The following FN3KRP variants were observed in gnomAD, a reference collection of about 807,000 sequenced individuals.
FN3KRP encodes the protein ketosamine-3-kinase.
In FN3KRP, 33 loss-of-function variants were observed where a neutral mutation model predicts 29.8. The observed-to-expected ratio is 1.11, with a 90% CI of 0.84 to 1.48. FN3KRP has a LOEUF of 1.48. Ranked by LOEUF, FN3KRP falls within the 40% of genes most tolerant of loss-of-function variation. The pLI, the probability that FN3KRP is intolerant of heterozygous loss-of-function variation, is 0.00. For missense variants in FN3KRP, 430 were observed against 402.6 expected (o/e 1.07, Z -0.58); for synonymous variants, 157 against 155.2 (o/e 1.01, Z -0.09).
intron 1 of FN3KRP, among the ~76,000 whole-genome samples, chr17:82,718,260 C>T (rs1179463287): frequency 2.0e-5 from 3 of 151,940 alleles, no homozygotes; most frequent in South Asian, 2.1e-4. Flanking sequence ...GTGTGTGTAG[C>T]AGGAGGAAAG....
At chr17:82,719,136 C>A in intron 2 of FN3KRP, 79 bp downstream of exon 2, 1 of 1,303,748 alleles carries the variant, frequency 7.7e-7, no homozygotes. Context: ...TTATGTGTGT[C>A]TTCACACCAC....
At chr17:82,722,737 T>C (rs556085540) in intron 3 of FN3KRP, 67 bp from the exon 4 acceptor site, 2 of 1,510,206 alleles carry the variant, frequency 1.3e-6, no homozygotes, top group Admixed American at 1.7e-5. Context: ...TGAAGGTGAC[T>C]CAGTTTCGAG....
rs375375823 is a variant in FN3KRP, at chr17:82,725,634, C to T, written c.469-846C>T. 9.2e-5 allele frequency among the ~76,000 whole-genome samples: 14 copies of T among 152,096 alleles called. No individual in the cohort carries two copies. In the East Asian group the frequency reaches 2.3e-3, roughly 25 times the overall value. ...CCGGCTAATTTTTGTATTTTTAGTACAAGCATGAGCCACCACACCTGGCCC... is the reference window on the plus strand; with the variant it reads ...CCGGCTAATTTTTGTATTTTTAGTATAAGCATGAGCCACCACACCTGGCCC... On this transcript the variant is annotated intron_variant, in intron 4 of 5. Coordinates refer to ENST00000269373, the MANE Select transcript of FN3KRP (RefSeq NM_024619.4).
At chr17:82,717,374 C>T (rs982694907) in intron 1 of FN3KRP, among the ~76,000 whole-genome samples, 17 of 152,208 alleles carry the variant, frequency 1.1e-4, no homozygotes, top group Non-Finnish European at 2.4e-4. Flanking sequence ...GTGCTGCCCC[C>T]AGGCCAGCTG....
At chr17:82,723,583 G>A (rs2046814945) in intron 4 of FN3KRP, among the ~76,000 whole-genome samples, 1 of 152,026 alleles carries the variant, frequency 6.6e-6, no homozygotes, top group African/African-American at 2.4e-5. Context: ...GCATGTGTGT[G>A]CATATGTGTG....
chr17:82,717,447 C>A (rs2046765383), intron 1 of FN3KRP, among the ~76,000 whole-genome samples: 1 of 152,146 alleles, frequency 6.6e-6, no homozygotes, highest in Non-Finnish European at 1.5e-5. Context: ...GGGCCGGGCG[C>A]GGTGGCTCAC....
chr17:82,723,807 C>T lies in FN3KRP; in HGVS notation c.468+921C>T, dbSNP rs73361135. Among the ~76,000 whole-genome samples, 20 of 151,990 alleles carry T rather than the reference C, an allele frequency of 1.3e-4. 1 individual carries two copies. The South Asian group carries it at 3.5e-3, about 27-fold the overall frequency. On this transcript the variant is annotated intron_variant, in intron 4 of 5. Coordinates refer to ENST00000269373, the MANE Select transcript of FN3KRP (RefSeq NM_024619.4). Reference sequence around the variant, plus strand: ...CACCTGTGACCTGGATGTCCTTTCTCGGGGTCCTTCTCAATGGGGCTCCAT... The same window carrying T: ...CACCTGTGACCTGGATGTCCTTTCTTGGGGTCCTTCTCAATGGGGCTCCAT...
Position 82,716,832 on chromosome 17 carries a change from G to A in FN3KRP, c.77G>A (p.Ser26Asn), listed in dbSNP as rs550636711. 9.0e-6 allele frequency: 14 copies of A among 1,558,796 alleles called. No homozygotes were observed. The South Asian group carries it at 1.4e-4, about 16-fold the overall frequency. The change falls in exon 1 of 6, where the codon AGC (serine) becomes AAC (asparagine). Residue 26 changes from serine (S) to asparagine (N), a missense_variant. Ser to Asn is a conservative substitution (Grantham distance 46, BLOSUM62 1). Coordinates refer to ENST00000269373, the MANE Select transcript of FN3KRP (RefSeq NM_024619.4). ...GGCCACTCGGGGGGCGGGTGCATCAGCCAGGGCCGGAGCTACGACACGGAT... is the reference window on the plus strand; with the variant it reads ...GGCCACTCGGGGGGCGGGTGCATCAACCAGGGCCGGAGCTACGACACGGAT... ...ATGHSGGGCISQGRSYDTDQG... is the reference protein window; with the variant it reads ...ATGHSGGGCINQGRSYDTDQG...
chr17:82,721,445 T>C (rs2046797494), intron 3 of FN3KRP, among the ~76,000 whole-genome samples: 1 of 152,154 alleles, frequency 6.6e-6, no homozygotes, highest in Non-Finnish European at 1.5e-5. Flanking sequence ...GGTTTGCCAC[T>C]GAGAGCCATC....
intron 3 of FN3KRP, 110 bp from the exon 4 acceptor site, chr17:82,722,694 C>A: frequency 2.0e-6 from 2 of 976,238 alleles, no homozygotes; most frequent in Non-Finnish European, 3.2e-6. Flanking sequence ...CTGGCAGGGG[C>A]ATAAGCTGGT....
Position 82,716,729 on chromosome 17 carries a change from G to GGGCGGGTCCGCGGCCGC in FN3KRP, c.-20_-4dup. ...GTCTCTCGAGTCTCCGCCAGATCCG[G>GGGCGGGTCCGCGGCCGC]GGCGGGTCCGCGGCCGCGGCGGGAA... On this transcript the variant is annotated 5_prime_UTR_variant, in exon 1 of 6. Transcript: ENST00000269373. 8 of 1,476,410 alleles carry GGGCGGGTCCGCGGCCGC rather than the reference G, an allele frequency of 5.4e-6. No individual in the cohort carries two copies. Among genetic ancestry groups the GGGCGGGTCCGCGGCCGC allele is most frequent in the Non-Finnish European group, 6.2e-6 (7 of 1,120,876 alleles). The allele number at this position is 1,476,410 out of a possible 1,614,324, so 91.5% of individuals were successfully genotyped here.
intron 5 of FN3KRP, 73 bp downstream of exon 5, chr17:82,726,675 G>T: frequency 6.4e-7 from 1 of 1,551,540 alleles, no homozygotes; most frequent in Non-Finnish European, 8.7e-7. Flanking sequence ...AGGCACCAAG[G>T]CAGGTGAGGC....
chr17:82,718,360 G>C lies in FN3KRP; in HGVS notation c.142-546G>C, dbSNP rs189630878. 549 of 972,028 alleles carry C rather than the reference G, an allele frequency of 5.6e-4. 2 individuals carry two copies. Among genetic ancestry groups the C allele is most frequent in the Non-Finnish European group, 3.2e-4 (265 of 817,030 alleles). The allele number at this position is 972,028 out of a possible 1,614,324, so 60.2% of individuals were successfully genotyped here. ...AAGGGAGGAGTTGCTGTGGTCCCGG[G>C]GAGTTGGATGGAAACGGCATCTCAA... On this transcript the variant is annotated intron_variant, in intron 1 of 5. Coordinates refer to ENST00000269373, the MANE Select transcript of FN3KRP (RefSeq NM_024619.4).
In FN3KRP at chr17:82,727,104, A is replaced by G; in HGVS notation, c.863A>G (p.His288Arg). 1.2e-6 allele frequency: 2 copies of G among 1,614,110 alleles called. No individual in the cohort carries two copies. The highest frequency in any genetic ancestry group is 1.7e-6 in the Non-Finnish European group (2 of 1,180,006). Residue 288 changes from histidine to arginine, a missense_variant, in exon 6 of 6, where the codon CAC becomes CGC. Coordinates refer to ENST00000269373, the MANE Select transcript of FN3KRP (RefSeq NM_024619.4). The stretch of plus-strand genomic sequence containing the variant: ...TATCAGCTCTTTCACTACTTGAACC[A>G]CTGGAATCATTTTGGATCGGGGTAC... ...QLYQLFHYLN[H>R]WNHFGSGYRG...
chr17:82,725,174 C>G (rs1337291038), intron 4 of FN3KRP, among the ~76,000 whole-genome samples: 2 of 152,102 alleles, frequency 1.3e-5, no homozygotes, highest in African/African-American at 4.8e-5. Flanking sequence ...GTTGCCCAGG[C>G]TGGAGAGCAG....
chr17:82,726,486 G>T lies in FN3KRP; in HGVS notation c.475G>T (p.Asp159Tyr), dbSNP rs781532623. 3 of 1,613,758 alleles carry T rather than the reference G, an allele frequency of 1.9e-6. No individual in the cohort carries two copies. The South Asian group carries it at 3.3e-5, about 18-fold the overall frequency. Reference sequence around the variant, plus strand: ...TTTTGCTGTTACTGTGCAGGTGAATGACTGGCAGGAGGACTGGGTCGTGTT... The same window carrying T: ...TTTTGCTGTTACTGTGCAGGTGAATTACTGGCAGGAGGACTGGGTCGTGTT... ...TCCGYLPQVN[D>Y]WQEDWVVFYA... is the part of the protein sequence containing the mutation. Residue 159 changes from aspartate (D) to tyrosine (Y), a missense_variant, in exon 5 of 6, where the codon GAC becomes TAC. Transcript: ENST00000269373.
chr17:82,717,382 C>T (rs1231495901), intron 1 of FN3KRP, among the ~76,000 whole-genome samples: 1 of 152,232 alleles, frequency 6.6e-6, no homozygotes, highest in Admixed American at 6.5e-5. Context: ...CCCAGGCCAG[C>T]TGCTGCGCCT....
chr17:82,721,858 G>T (rs993843798), intron 3 of FN3KRP, among the ~76,000 whole-genome samples: 1 of 151,410 alleles, frequency 6.6e-6, no homozygotes, highest in Admixed American at 6.6e-5. Flanking sequence ...TTTTGAAATG[G>T]AGTTTTGCTC....
chr17:82,723,878 G>T (rs1439416561), intron 4 of FN3KRP, among the ~76,000 whole-genome samples: 1 of 152,094 alleles, frequency 6.6e-6, no homozygotes, highest in Non-Finnish European at 1.5e-5. Flanking sequence ...TGTCTGGACA[G>T]ATGTCAGAAG....
Sources: allele counts gnomAD v4.1 joint callset (sites outside exome capture counted in the v4.1 genomes callset), GRCh38; gene constraint gnomAD v4.1.1; transcripts MANE v1.5; gene names NCBI Gene and HGNC (gene_info 2026-07-23, HGNC 2026-07-21).